The following ROR1 variants were observed in gnomAD, a reference collection of about 807,000 sequenced individuals.
ROR1 encodes inactive tyrosine-protein kinase transmembrane receptor ROR1.
A neutral mutation model predicts 78.8 loss-of-function variants in ROR1; 19 were observed. That is an observed-to-expected ratio of 0.24 (90% confidence interval 0.17 to 0.35). The LOEUF is 0.35. Ranked by LOEUF, ROR1 falls within the 10% of genes least tolerant of loss-of-function variation. The pLI is 1.00. For missense variants in ROR1, 917 were observed against 1,177.8 expected (o/e 0.78, Z 3.24); for synonymous variants, 386 against 433.6 (o/e 0.89, Z 1.36).
In ROR1 at chr1:64,049,677, C is replaced by T. The variant is rs1184736461; in HGVS notation, c.164-14C>T. 6.2e-7 allele frequency: 1 copy of T among 1,609,430 alleles called. No individual in the cohort carries two copies. The highest frequency in any genetic ancestry group is 1.3e-5 in the African/African-American group (1 of 74,884). On this transcript the variant is annotated splice_polypyrimidine_tract_variant and intron_variant, in intron 2 of 8. Coordinates refer to ENST00000371079, the MANE Select transcript of ROR1 (RefSeq NM_005012.4). ...TGTCTGCCCCTCTCACCTGCCTCCT[C>T]TCTGTGCTCACAGATTCTTACCTGA...
At chr1:63,982,440 A>G (rs1019492924) in intron 1 of ROR1, among the ~76,000 whole-genome samples, 5 of 152,214 alleles carry the variant, frequency 3.3e-5, no homozygotes, top group African/African-American at 9.6e-5. Flanking sequence ...CAAACATTTC[A>G]TTTAAGAGAA....
intron 1 of ROR1, among the ~76,000 whole-genome samples, chr1:63,965,883 A>T (rs116608469): frequency 2.0e-5 from 3 of 152,342 alleles, no homozygotes; most frequent in Admixed American, 6.5e-5. Context: ...TACCGCAAGG[A>T]CTGTGGAGTC....
chr1:63,940,285 A>G (rs556988769), intron 1 of ROR1, among the ~76,000 whole-genome samples: 10 of 152,304 alleles, frequency 6.6e-5, no homozygotes, highest in African/African-American at 2.4e-4. Flanking sequence ...TTGTTGTACC[A>G]GAAAGTATAC....
intron 1 of ROR1, among the ~76,000 whole-genome samples, chr1:64,001,832 C>T (rs1348444699): frequency 7.9e-5 from 12 of 152,112 alleles, no homozygotes; most frequent in Non-Finnish European, 4.4e-5. Flanking sequence ...TCCACAGGGC[C>T]CATATTCATA....
At chr1:64,083,181 G>A (rs1647118065) in intron 4 of ROR1, among the ~76,000 whole-genome samples, 1 of 152,100 alleles carries the variant, frequency 6.6e-6, no homozygotes, top group African/African-American at 2.4e-5. Flanking sequence ...GATGGTGGGG[G>A]GAAGTTATTG....
At chr1:63,860,279 G>A (rs1645171644) in intron 1 of ROR1, among the ~76,000 whole-genome samples, 1 of 152,016 alleles carries the variant, frequency 6.6e-6, no homozygotes, top group Non-Finnish European at 1.5e-5. Flanking sequence ...TTTATGTGTG[G>A]GAAGGTGGTT....
At chr1:64,101,052 G>C (rs1459033108) in intron 4 of ROR1, among the ~76,000 whole-genome samples, 1 of 152,208 alleles carries the variant, frequency 6.6e-6, no homozygotes, top group Non-Finnish European at 1.5e-5. Flanking sequence ...TGGAGAAAAA[G>C]AAAGGTTCAG....
chr1:64,109,304 A>C (rs1210786551), intron 4 of ROR1, among the ~76,000 whole-genome samples: 1 of 152,218 alleles, frequency 6.6e-6, no homozygotes, highest in Non-Finnish European at 1.5e-5. Context: ...CACATTTCCT[A>C]TTAATTTTAA....
At chr1:64,076,176 T>G (rs1302507286) in intron 4 of ROR1, among the ~76,000 whole-genome samples, 2 of 152,196 alleles carry the variant, frequency 1.3e-5, no homozygotes, top group Non-Finnish European at 2.9e-5. Context: ...TGAGGCTGTC[T>G]TTCTGTTGCA....
chr1:64,086,598 C>T (rs1047485774), intron 4 of ROR1, among the ~76,000 whole-genome samples: 6 of 152,192 alleles, frequency 3.9e-5, no homozygotes, highest in African/African-American at 9.7e-5. Flanking sequence ...TTGAGTATTG[C>T]ACATTACCTT....
chr1:63,888,252 T>C (rs1025447797), intron 1 of ROR1, among the ~76,000 whole-genome samples: 5 of 152,114 alleles, frequency 3.3e-5, no homozygotes, highest in African/African-American at 1.2e-4. Flanking sequence ...TATCTGCAAA[T>C]TAGAACTGTG....
chr1:63,913,480 C>T (rs1645586645), intron 1 of ROR1, among the ~76,000 whole-genome samples: 1 of 152,102 alleles, frequency 6.6e-6, no homozygotes, highest in Admixed American at 6.5e-5. Flanking sequence ...AAGAATTTGG[C>T]TTCTTTCTTG....
intron 1 of ROR1, among the ~76,000 whole-genome samples, chr1:63,858,392 A>G (rs1645161348): frequency 6.6e-6 from 1 of 152,200 alleles, no homozygotes; most frequent in African/African-American, 2.4e-5. Context: ...GCATTAGTTA[A>G]GTAGAGTGGA....
chr1:63,944,484 GT>G (rs1258486665), intron 1 of ROR1, among the ~76,000 whole-genome samples: 1 of 152,120 alleles, frequency 6.6e-6, no homozygotes, highest in Non-Finnish European at 1.5e-5. Flanking sequence ...TCAGTATTTT[GT>G]TCCTTGGAGA....
intron 5 of ROR1, among the ~76,000 whole-genome samples, chr1:64,139,382 C>T (rs1349955818): frequency 1.3e-5 from 2 of 152,004 alleles, no homozygotes; most frequent in Non-Finnish European, 2.9e-5. Flanking sequence ...TTCTGAGCAA[C>T]ATACTTGGGG....
intron 4 of ROR1, among the ~76,000 whole-genome samples, chr1:64,133,284 A>G (rs1648985417): frequency 6.6e-6 from 1 of 152,154 alleles, no homozygotes; most frequent in South Asian, 2.1e-4. Context: ...GACTAATACC[A>G]TCAGGCTTGT....
chr1:64,019,174 C>T (rs1159608177), intron 2 of ROR1, among the ~76,000 whole-genome samples: 2 of 152,168 alleles, frequency 1.3e-5, no homozygotes, highest in East Asian at 3.9e-4. Context: ...CTTTAGAGTT[C>T]TTCTAGGCTA....
intron 1 of ROR1, among the ~76,000 whole-genome samples, chr1:63,780,891 G>A (rs938787938): frequency 2.6e-5 from 4 of 152,180 alleles, no homozygotes; most frequent in Admixed American, 6.6e-5. Flanking sequence ...TAATCTGACC[G>A]TTTTTAGCTC....
At chr1:64,007,201 T>C (rs1646434842) in intron 1 of ROR1, among the ~76,000 whole-genome samples, 1 of 152,166 alleles carries the variant, frequency 6.6e-6, no homozygotes, top group South Asian at 2.1e-4. Flanking sequence ...TAGAGCACTG[T>C]GCTTAAAGGA....
Sources: gnomAD v4.1 joint callset for allele counts (sites outside exome capture counted in the v4.1 genomes callset) on GRCh38, gnomAD v4.1.1 for gene constraint, MANE v1.5 for transcripts, NCBI Gene and HGNC (gene_info 2026-07-23, HGNC 2026-07-21) for gene names.